Variants in UBE3C observed in about 807,000 individuals in gnomAD.
The protein encoded by UBE3C is ubiquitin-protein ligase E3C.
Under a neutral mutation model 129.4 loss-of-function variants are expected in UBE3C, and 42 were observed. The observed-to-expected ratio is 0.32, with a 90% CI of 0.25 to 0.42. UBE3C has a LOEUF of 0.42. UBE3C is among the 10% of genes least tolerant of loss of function. UBE3C has a pLI of 1.00. For missense variants in UBE3C, 1,049 were observed against 1,319.1 expected (o/e 0.80, Z 3.17); for synonymous variants, 510 against 492.4 (o/e 1.04, Z -0.47).
intron 10 of UBE3C, among the ~76,000 whole-genome samples, chr7:157,194,357 G>T (rs1358250602): frequency 6.6e-6 from 1 of 152,178 alleles, no homozygotes; most frequent in Admixed American, 6.5e-5. Context: ...CCTAGCACAG[G>T]TAATTTCACC....
chr7:157,214,336 T>C (rs137970582), intron 13 of UBE3C, among the ~76,000 whole-genome samples: 13 of 152,332 alleles, frequency 8.5e-5, no homozygotes, highest in African/African-American at 3.1e-4. Flanking sequence ...GTAGAAAATA[T>C]ATGTTCTTAT....
intron 9 of UBE3C, among the ~76,000 whole-genome samples, chr7:157,186,434 T>A: frequency 6.6e-6 from 1 of 151,530 alleles, no homozygotes; most frequent in African/African-American, 2.4e-5. Flanking sequence ...AAAAAATTTA[T>A]GTAATACTCT....
chr7:157,192,136 C>T lies in UBE3C; in HGVS notation c.1331+5115C>T, dbSNP rs112015949. ...CAAATAAATAAAATAGACTTGCCTTCGTCAGCTTCAGCAATATCATTCATA... is the reference window on the plus strand; with the variant it reads ...CAAATAAATAAAATAGACTTGCCTTTGTCAGCTTCAGCAATATCATTCATA... On this transcript the variant is annotated intron_variant, in intron 10 of 22. Coordinates refer to ENST00000348165, the MANE Select transcript of UBE3C (RefSeq NM_014671.3). Among the ~76,000 whole-genome samples the T allele has an allele frequency of 4.9e-3, 749 of 152,204 alleles. 4 individuals carry two copies. Among genetic ancestry groups the T allele is most frequent in the African/African-American group, 8.3e-3 (343 of 41,516 alleles).
At chr7:157,157,985 T>TAGAGAG (rs1284658404) in intron 1 of UBE3C, among the ~76,000 whole-genome samples, 7 of 134,636 alleles carry the variant, frequency 5.2e-5, no homozygotes, top group South Asian at 2.4e-4. Flanking sequence ...TATATATATA[T>TAGAGAG]ATAGAGAGAG....
intron 1 of UBE3C, among the ~76,000 whole-genome samples, chr7:157,161,270 TTTTC>T (rs1179375905): frequency 1.3e-5 from 2 of 152,196 alleles, no homozygotes; most frequent in African/African-American, 4.8e-5. Flanking sequence ...TTTTTGTAGC[TTTTC>T]TTTGTCTAAA....
intron 18 of UBE3C, among the ~76,000 whole-genome samples, chr7:157,246,301 TCCC>T (rs1796475874): frequency 6.6e-6 from 1 of 152,190 alleles, no homozygotes; most frequent in African/African-American, 2.4e-5. Flanking sequence ...AAGGACTCAC[TCCC>T]CACAGGAGCA....
intron 1 of UBE3C, among the ~76,000 whole-genome samples, chr7:157,144,929 T>A (rs1291121164): frequency 6.6e-6 from 1 of 152,334 alleles, no homozygotes; most frequent in East Asian, 1.9e-4. Context: ...TTGACGAATA[T>A]ATGATGACAT....
In UBE3C at chr7:157,253,475, T is replaced by TA. The variant is rs760239488; in HGVS notation, c.2695-476dup. 1.8e-3 allele frequency among the ~76,000 whole-genome samples: 271 copies of TA among 152,366 alleles called. 1 individual carries two copies. Among genetic ancestry groups the TA allele is most frequent in the Middle Eastern group, 3.4e-3 (1 of 294 alleles). On this transcript the variant is annotated intron_variant, in intron 19 of 22. Transcript: ENST00000348165. ...TTACCACCACCCTTTGTATCGTAATTAAAGTGCTTTATAGTAATGGCATTG... is the reference window on the plus strand; with the variant it reads ...TTACCACCACCCTTTGTATCGTAATTAAAAGTGCTTTATAGTAATGGCATTG...
intron 1 of UBE3C, among the ~76,000 whole-genome samples, chr7:157,151,795 C>T (rs1356833388): frequency 6.6e-6 from 1 of 152,116 alleles, no homozygotes; most frequent in Non-Finnish European, 1.5e-5. Flanking sequence ...GTCAGTCAGC[C>T]CTTGGTTTGT....
intron 11 of UBE3C, among the ~76,000 whole-genome samples, chr7:157,204,476 C>T (rs868149122): frequency 6.6e-6 from 1 of 151,616 alleles, no homozygotes; most frequent in African/African-American, 2.4e-5. Flanking sequence ...AGACTGCAAC[C>T]TCACAAGCTT....
chr7:157,186,712 A>C, intron 9 of UBE3C, 122 bp from the exon 10 acceptor site: 2 of 1,133,158 alleles, frequency 1.8e-6, no homozygotes, highest in Non-Finnish European at 2.5e-6. Context: ...GATGTAGATA[A>C]TTTTGAGATG....
rs73743215 is a variant in UBE3C, at chr7:157,173,446, A to T, written c.343-1473A>T. On this transcript the variant is annotated intron_variant, in intron 4 of 22. Transcript: ENST00000348165. ...AAATGTCTCCTGCCCCAGTCTTCAC[A>T]TTGTTTGCCTTCTACTCTAGGAGTA... 3.5e-3 allele frequency among the ~76,000 whole-genome samples: 526 copies of T among 152,328 alleles called. 16 individuals carry two copies. In the South Asian group the frequency reaches 0.047, roughly 14 times the overall value.
At chr7:157,201,685 T>A (rs1180775990) in intron 10 of UBE3C, 36 bp from the exon 11 acceptor site, 1 of 1,179,606 alleles carries the variant, frequency 8.5e-7, no homozygotes, top group Admixed American at 2.3e-5. Context: ...AAGTAATTGC[T>A]TTACTGTTCT....
At chr7:157,165,654 T>C (rs982302872) in intron 2 of UBE3C, among the ~76,000 whole-genome samples, 2 of 152,144 alleles carry the variant, frequency 1.3e-5, no homozygotes, top group Non-Finnish European at 2.9e-5. Context: ...CTGTCTCAGC[T>C]TCCCAAAGTG....
At chr7:157,216,099 A>G (rs1237031410) in intron 13 of UBE3C, among the ~76,000 whole-genome samples, 5 of 152,104 alleles carry the variant, frequency 3.3e-5, no homozygotes, top group Non-Finnish European at 7.3e-5. Context: ...AGGAGATCAG[A>G]CTCGATTTTT....
intron 1 of UBE3C, among the ~76,000 whole-genome samples, chr7:157,147,013 TG>T (rs1807624113): frequency 6.6e-6 from 1 of 152,166 alleles, no homozygotes. Context: ...AGTATTGTGT[TG>T]GCTATTGTGG....
intron 5 of UBE3C, among the ~76,000 whole-genome samples, chr7:157,177,020 A>G (rs146971871): frequency 2.6e-5 from 4 of 152,320 alleles, no homozygotes; most frequent in South Asian, 2.1e-4. Flanking sequence ...AATCACATAC[A>G]TATTTTTTAA....
At chr7:157,151,929 C>T (rs1807766906) in intron 1 of UBE3C, among the ~76,000 whole-genome samples, 1 of 152,168 alleles carries the variant, frequency 6.6e-6, no homozygotes, top group Non-Finnish European at 1.5e-5. Flanking sequence ...TGCACAGCCT[C>T]GTACCCAGAA....
chr7:157,191,832 T>C (rs1207671296), intron 10 of UBE3C, among the ~76,000 whole-genome samples: 1 of 152,238 alleles, frequency 6.6e-6, no homozygotes, highest in East Asian at 1.9e-4. Context: ...AAACAAGTTT[T>C]TATAATATTT....
Sources: gnomAD v4.1 joint callset for allele counts (sites outside exome capture counted in the v4.1 genomes callset) on GRCh38, gnomAD v4.1.1 for gene constraint, MANE v1.5 for transcripts, NCBI Gene and HGNC (gene_info 2026-07-23, HGNC 2026-07-21) for gene names.